The following TP73 variants were observed in gnomAD, a reference collection of about 807,000 sequenced individuals.
TP73 encodes the protein tumor protein p73, also known as p53-like transcription factor.
Under a neutral mutation model 62.5 loss-of-function variants are expected in TP73, and 25 were observed. The ratio of observed to expected loss-of-function variants is 0.40; its 90% confidence interval spans 0.29 to 0.56. TP73 has a LOEUF of 0.56. Ranked by LOEUF, TP73 falls within the 20% of genes least tolerant of loss-of-function variation. The pLI is 0.46. For missense variants in TP73, 754 were observed against 913.3 expected (o/e 0.83, Z 2.25); for synonymous variants, 423 against 377.5 (o/e 1.12, Z -1.40).
chr1:3,695,196 G>A (rs1255114177), intron 3 of TP73, among the ~76,000 whole-genome samples: 1 of 152,238 alleles, frequency 6.6e-6, no homozygotes, highest in African/African-American at 2.4e-5. Context: ...GGCTGGATGA[G>A]TGGGGCCCCT....
chr1:3,687,695 C>T (rs548848269), intron 3 of TP73, among the ~76,000 whole-genome samples: 46 of 152,178 alleles, frequency 3.0e-4, no homozygotes, highest in Admixed American at 2.6e-3. Flanking sequence ...GCTCCGCTCC[C>T]GTCCTCTCCC....
In TP73 at chr1:3,733,312, C is replaced by A. The variant is rs1642277871; in HGVS notation, c.*233C>A. On this transcript the variant is annotated 3_prime_UTR_variant, in exon 14 of 14. Transcript: ENST00000378295. ...AGAACCTTCTGGAGCTGCCCTAGTG[C>A]TGGGCTTGTGGGGCGGGGGCTGGCC... 3.4e-6 allele frequency: 2 copies of A among 595,406 alleles called. No homozygotes were observed. The highest frequency in any genetic ancestry group is 5.9e-6 in the Non-Finnish European group (2 of 340,602). 36.9% of individuals were successfully genotyped at this position (595,406 alleles called of 1,614,324 possible). A position where few individuals can be genotyped will look rare whatever the true frequency, so the allele number is the denominator to read the frequency against.
Position 3,699,306 on chromosome 1 carries a change from G to A in TP73, c.187-8243G>A, listed in dbSNP as rs748225876. ...TGTCAGTCACTCACCCCTGGGTGAG[G>A]TTGGGGCCCAAGTTCAGACATGCCC... On this transcript the variant is annotated intron_variant, in intron 3 of 13. Transcript: ENST00000378295. The surrounding 1 kb of genome is among the most constrained non-coding windows in gnomAD (Gnocchi z 4.1). 1.3e-5 allele frequency among the ~76,000 whole-genome samples: 2 copies of A among 152,302 alleles called. No homozygotes were observed. Among genetic ancestry groups the A allele is most frequent in the East Asian group, 3.9e-4 (2 of 5,178 alleles).
At chr1:3,730,254 T>C (rs1446024749) in intron 11 of TP73, 106 bp downstream of exon 11, 2 of 1,288,490 alleles carry the variant, frequency 1.6e-6, no homozygotes, top group Non-Finnish European at 2.0e-6. Flanking sequence ...CAGGTGTCTC[T>C]GTGGCTGGCT....
At chr1:3,718,311 C>T (rs931842618) in intron 4 of TP73, among the ~76,000 whole-genome samples, 2 of 152,210 alleles carry the variant, frequency 1.3e-5, no homozygotes, top group Admixed American at 1.3e-4. Context: ...GACGGGAGCA[C>T]GCACTGGGCC....
intron 4 of TP73, among the ~76,000 whole-genome samples, chr1:3,717,184 C>T (rs943110449): frequency 1.3e-5 from 2 of 152,224 alleles, no homozygotes; most frequent in African/African-American, 4.8e-5. Flanking sequence ...GTGCCGGGCA[C>T]CCAGCTGCCG....
intron 10 of TP73, chr1:3,729,790 G>T: frequency 1.2e-6 from 1 of 805,920 alleles, no homozygotes; most frequent in Non-Finnish European, 1.9e-6. Context: ...CCTGCCTCCC[G>T]GCCCCGCCAT....
intron 13 of TP73, among the ~76,000 whole-genome samples, 191 bp downstream of exon 13, chr1:3,731,747 G>A (rs971931324): frequency 1.4e-4 from 21 of 152,214 alleles, no homozygotes; most frequent in Admixed American, 3.9e-4. Flanking sequence ...CTGGTGGCGC[G>A]GGACACAGGC....
intron 3 of TP73, among the ~76,000 whole-genome samples, chr1:3,685,023 G>C (rs1191142399): frequency 6.6e-6 from 1 of 152,164 alleles, no homozygotes; most frequent in Non-Finnish European, 1.5e-5. Flanking sequence ...CCAATCTGGG[G>C]AGGGGCAGGA....
chr1:3,653,067 C>T (rs1360411367), intron 1 of TP73, among the ~76,000 whole-genome samples: 6 of 152,242 alleles, frequency 3.9e-5, no homozygotes, highest in Non-Finnish European at 7.3e-5. Context: ...CCGCGCGCTC[C>T]CTCCGACCTG....
In TP73 at chr1:3,727,201, C is replaced by T; in HGVS notation, c.819C>T (p.Ile273=). The T allele has an allele frequency of 1.2e-6, 2 of 1,612,172 alleles. No homozygotes were observed. The highest frequency in any genetic ancestry group is 1.7e-6 in the Non-Finnish European group (2 of 1,179,556). ...GCATGAACCGGCGGCCCATCCTCAT[C>T]ATCATCACCCTGGAGATGCGGGAGT... ...VGGMNRRPIL[I]IITLEMRDGQ... The change falls in exon 7 of 14, where the codon ATC becomes ATT. Residue 273 remains isoleucine (I), a synonymous_variant. Transcript: ENST00000378295.
chr1:3,673,095 T>C (rs1184340723), intron 1 of TP73, among the ~76,000 whole-genome samples: 1 of 152,248 alleles, frequency 6.6e-6, no homozygotes, highest in Non-Finnish European at 1.5e-5. Flanking sequence ...GGCATGGAGC[T>C]GGCACCGGCT....
rs1057277525 is a variant in TP73 at position 3,670,807 on chromosome 1, C to T, written c.-33-11526C>T. ...CCTGTCCTGACCTGACCTGCTGGGC[C>T]CCGCCCGCTCAAACCAAATCATGGA... On this transcript the variant is annotated intron_variant, in intron 1 of 13. Coordinates refer to ENST00000378295, the MANE Select transcript of TP73 (RefSeq NM_005427.4). This position sits in a 1 kb window ranked among gnomAD's most constrained non-coding sequence, Gnocchi z 5.9. Among the ~76,000 whole-genome samples the T allele has an allele frequency of 3.3e-5, 5 of 152,216 alleles. 1 individual carries two copies. In the South Asian group the frequency reaches 6.2e-4, roughly 19 times the overall value.
rs1372274518 is a variant in TP73, at chr1:3,716,571, G to GAT, written c.430-5450_430-5449insAT. On this transcript the variant is annotated intron_variant, in intron 4 of 13. Coordinates refer to ENST00000378295, the MANE Select transcript of TP73 (RefSeq NM_005427.4). ...GGACCAGCCCTGTGACATCCTGCCA[G>GAT]GCCTCCCTGACATCTGTCAGAGCCC... is the stretch of plus-strand genomic sequence containing the variant. Among the ~76,000 whole-genome samples the GAT allele has an allele frequency of 7.2e-5, 11 of 152,346 alleles. No individual in the cohort carries two copies. The East Asian group carries it at 1.9e-3, about 27-fold the overall frequency.
intron 6 of TP73, among the ~76,000 whole-genome samples, chr1:3,726,092 AATGG>A (rs1223043802): frequency 2.4e-5 from 1 of 41,342 alleles, no homozygotes. Context: ...ATTGATATTG[AATGG>A]GTGGGTGGGT....
intron 1 of TP73, among the ~76,000 whole-genome samples, chr1:3,678,206 G>A (rs1278119016): frequency 2.0e-5 from 3 of 152,202 alleles, no homozygotes; most frequent in South Asian, 2.1e-4. Context: ...CCTTGTGAAC[G>A]AATTTTCAAA....
intron 6 of TP73, 109 bp from the exon 7 acceptor site, chr1:3,727,006 C>A: frequency 1.2e-6 from 1 of 846,010 alleles, no homozygotes; most frequent in Non-Finnish European, 1.9e-6. Flanking sequence ...AGCAGGGCAT[C>A]CCCCTGCCTA....
At chr1:3,655,513 C>T (rs1379062472) in intron 1 of TP73, among the ~76,000 whole-genome samples, 3 of 152,164 alleles carry the variant, frequency 2.0e-5, no homozygotes, top group Admixed American at 2.0e-4. Context: ...ATGTTATTTC[C>T]TCGTGATTTT....
Position 3,727,770 on chromosome 1 carries a change from G to A in TP73, c.985G>A (p.Ala329Thr), listed in dbSNP as rs1424811782. Reference sequence around the variant, plus strand: ...CAAGAACGGGGCCGCCAGCAAGCGTGGTGAGCGGCCGGCCAGGGGAACTGG... The same window carrying A: ...CAAGAACGGGGCCGCCAGCAAGCGTAGTGAGCGGCCGGCCAGGGGAACTGG... ...SAKNGAASKR[A>T]FKQSPPAVPA... Residue 329 changes from alanine (A) to threonine (T), a missense_variant and splice_region_variant, in exon 8 of 14, where the codon GCC (alanine) becomes ACC (threonine). By Grantham distance (58) the Ala-to-Thr change is moderately conservative (BLOSUM62 0). Coordinates refer to ENST00000378295, the MANE Select transcript of TP73 (RefSeq NM_005427.4). 6.5e-7 allele frequency: 1 copy of A among 1,535,396 alleles called. No individual in the cohort carries two copies. Among genetic ancestry groups the A allele is most frequent in the Non-Finnish European group, 8.8e-7 (1 of 1,139,820 alleles).
Sources: gnomAD v4.1 joint callset for allele counts (sites outside exome capture counted in the v4.1 genomes callset) on GRCh38, gnomAD v4.1.1 for gene constraint, Gnocchi (gnomAD v3.1) non-coding constraint, MANE v1.5 for transcripts, NCBI Gene and HGNC (gene_info 2026-07-23, HGNC 2026-07-21) for gene names.